The following GLI3 variants were observed in gnomAD, a reference collection of about 807,000 sequenced individuals.
The protein encoded by GLI3 is transcription activator GLI3.
In GLI3, 20 loss-of-function variants were observed where a neutral mutation model predicts 100.8. The ratio of observed to expected loss-of-function variants is 0.20; its 90% CI spans 0.14 to 0.29. The LOEUF (loss-of-function observed/expected upper bound fraction) is 0.29. Among genes scored for constraint, GLI3 ranks in the 10% least tolerant of loss-of-function variants. The pLI is 1.00. For synonymous variants in GLI3, 938 were observed against 860.5 expected, an observed-to-expected ratio of 1.09 and a Z score of -1.58; for missense variants, 2,040 against 2,128.5, an observed-to-expected ratio of 0.96 and a Z score of 0.82.
At chr7:41,996,413 G>A (rs981001236) in intron 10 of GLI3, among the ~76,000 whole-genome samples, 5 of 152,060 alleles carry the variant, frequency 3.3e-5, no homozygotes, top group Non-Finnish European at 5.9e-5. Flanking sequence ...CCTTTCAAAT[G>A]CTCAACACAG....
At chr7:42,092,273 T>G (rs553720859) in intron 3 of GLI3, among the ~76,000 whole-genome samples, 2 of 152,194 alleles carry the variant, frequency 1.3e-5, no homozygotes, top group Non-Finnish European at 2.9e-5. Context: ...ACACCTCCCC[T>G]ACCCCGGTGA....
chr7:42,141,173 T>C (rs377613425), intron 3 of GLI3, among the ~76,000 whole-genome samples: 1 of 152,214 alleles, frequency 6.6e-6, no homozygotes, highest in Non-Finnish European at 1.5e-5. Context: ...CTAGAGGCTG[T>C]TGAAGACAAG....
intron 1 of GLI3, among the ~76,000 whole-genome samples, chr7:42,235,690 T>G (rs1182616013): frequency 6.6e-6 from 1 of 152,134 alleles, no homozygotes; most frequent in African/African-American, 2.4e-5. Context: ...GAACTAATAA[T>G]ACCAGCCCGG....
At chr7:42,141,446 C>T (rs563843897) in intron 3 of GLI3, among the ~76,000 whole-genome samples, 18 of 152,226 alleles carry the variant, frequency 1.2e-4, no homozygotes, top group African/African-American at 3.9e-4. Flanking sequence ...CTTAGGCGGA[C>T]GGATCACCTG....
At chr7:42,018,698 C>T (rs1562687861) in intron 10 of GLI3, among the ~76,000 whole-genome samples, 1 of 152,100 alleles carries the variant, frequency 6.6e-6, no homozygotes, top group Non-Finnish European at 1.5e-5. Flanking sequence ...CTGTGTTCTT[C>T]TGATAAAGGA....
At chr7:41,981,528 T>C (rs1447203681) in intron 10 of GLI3, among the ~76,000 whole-genome samples, 1 of 152,196 alleles carries the variant, frequency 6.6e-6, no homozygotes, top group Non-Finnish European at 1.5e-5. Flanking sequence ...CATATTTTCC[T>C]TTCCTGTCTC....
chr7:42,015,466 A>C (rs1024499480), intron 10 of GLI3, among the ~76,000 whole-genome samples: 3 of 152,122 alleles, frequency 2.0e-5, no homozygotes, highest in Non-Finnish European at 4.4e-5. Flanking sequence ...AATATCCCCA[A>C]ATCTTAAAAA....
intron 10 of GLI3, among the ~76,000 whole-genome samples, chr7:41,992,047 A>T (rs2299147): frequency 0.15 from 22,271 of 152,160 alleles, 2,056 homozygotes; most frequent in East Asian, 0.39. Context: ...ATCCCAGGCA[A>T]CCAAGAGCAG....
chr7:42,180,667 G>A (rs1017544826), intron 2 of GLI3, among the ~76,000 whole-genome samples: 6 of 152,232 alleles, frequency 3.9e-5, no homozygotes, highest in Non-Finnish European at 7.3e-5. Flanking sequence ...AGTGGGCACA[G>A]ACCCTGGCAG....
At chr7:42,240,294 A>C (rs142122025), upstream of GLI3, among the ~76,000 whole-genome samples, 76 of 152,368 alleles carry the variant, frequency 5.0e-4, no homozygotes, top group Middle Eastern at 3.4e-3. Flanking sequence ...CTTTTAAGAC[A>C]GACTTTCTTT....
intron 12 of GLI3, 131 bp downstream of exon 12, chr7:41,977,427 G>C (rs1289849200): frequency 2.2e-6 from 2 of 904,992 alleles, no homozygotes; most frequent in African/African-American, 3.3e-5. Context: ...TCACCTGCAG[G>C]GGCAGAGCCC....
Position 41,961,161 on chromosome 7 carries a change from ATGT to A in GLI3, c.*3166_*3168del. On this transcript the variant is annotated 3_prime_UTR_variant, in exon 15 of 15. Transcript: ENST00000395925. ...TGAACGCTATGCCTACAATACTTAA[ATGT>A]ATTTACATGTGTTTCTTTTAAAAAA... 1 of 152,580 alleles carries A rather than the reference ATGT, an allele frequency of 6.6e-6. No individual in the cohort carries two copies. Among genetic ancestry groups the A allele is most frequent in the African/African-American group, 2.4e-5 (1 of 41,424 alleles). The allele number at this position is 152,580 out of a possible 1,614,324, so 9.5% of individuals were successfully genotyped here. A position where few individuals can be genotyped will look rare whatever the true frequency, so the allele number is the denominator to read the frequency against.
In GLI3 at chr7:42,082,516, C is replaced by T. The variant is rs111862203; in HGVS notation, c.368-5659G>A. On this transcript the variant is annotated intron_variant, in intron 3 of 14. Transcript: ENST00000395925. ...GTGGCCCACCATGATCTACCGTGAG[C>T]GGAATCTAAGAAGTGCTACCCCCAC... Among the ~76,000 whole-genome samples the T allele has an allele frequency of 2.2e-3, 338 of 152,194 alleles. 2 individuals carry two copies. Among genetic ancestry groups the T allele is most frequent in the African/African-American group, 7.9e-3 (327 of 41,526 alleles).
chr7:42,072,761 A>G (rs2128750711), intron 4 of GLI3, among the ~76,000 whole-genome samples: 1 of 152,362 alleles, frequency 6.6e-6, no homozygotes, highest in Admixed American at 6.5e-5. Flanking sequence ...AAATATACAC[A>G]TAAAATAAGA....
intron 2 of GLI3, among the ~76,000 whole-genome samples, chr7:42,211,284 A>G (rs903165890): frequency 2.0e-5 from 3 of 152,228 alleles, no homozygotes; most frequent in African/African-American, 7.2e-5. Flanking sequence ...AGATTATTTC[A>G]CTGGGCATAC....
At chr7:42,072,224 C>A (rs1784797597) in intron 4 of GLI3, among the ~76,000 whole-genome samples, 1 of 152,152 alleles carries the variant, frequency 6.6e-6, no homozygotes. Context: ...AAGGACCCTG[C>A]TTTGGAAAAT....
rs1439484748 is a variant in GLI3 at position 42,054,427 on chromosome 7, G to A, written c.474-5731C>T. Among the ~76,000 whole-genome samples the A allele has an allele frequency of 4.6e-5, 7 of 152,196 alleles. No homozygotes were observed. The East Asian group carries it at 5.8e-4, about 13-fold the overall frequency. ...CATGCCAGATTATTACAATTTGCTC[G>A]CACATTGCTTGGGATACTGGAAATG... On this transcript the variant is annotated intron_variant, in intron 4 of 14. Transcript: ENST00000395925.
intron 2 of GLI3, among the ~76,000 whole-genome samples, chr7:42,186,753 G>A (rs550755666): frequency 1.3e-5 from 2 of 152,290 alleles, no homozygotes; most frequent in East Asian, 1.9e-4. Context: ...TGAATTTTCA[G>A]TTAGTTCAAA....
intron 7 of GLI3, among the ~76,000 whole-genome samples, chr7:42,031,957 T>G (rs1054702574): frequency 6.6e-6 from 1 of 152,188 alleles, no homozygotes; most frequent in African/African-American, 2.4e-5. Flanking sequence ...AAATCAGACA[T>G]ATAAAGTTTT....
Sources: allele counts gnomAD v4.1 joint callset (sites outside exome capture counted in the v4.1 genomes callset), GRCh38; gene constraint gnomAD v4.1.1; transcripts MANE v1.5; gene names NCBI Gene and HGNC (gene_info 2026-07-23, HGNC 2026-07-21).